GNPAT: variants seen among roughly 807,000 people sequenced by gnomAD.
The protein encoded by GNPAT is dihydroxyacetone phosphate acyltransferase.
Under a neutral mutation model 78.4 loss-of-function variants are expected in GNPAT, and 30 were observed. The ratio of observed to expected loss-of-function variants is 0.38; its 90% CI spans 0.29 to 0.52. The LOEUF is 0.52. Ranked by LOEUF, GNPAT falls within the 20% of genes least tolerant of loss-of-function variation. GNPAT has a pLI of 0.84. For missense variants in GNPAT, 714 were observed against 812.2 expected (o/e 0.88, Z 1.47); for synonymous variants, 271 against 281.1 (o/e 0.96, Z 0.36).
chr1:231,261,131 T>C (rs1327687831), intron 3 of GNPAT, among the ~76,000 whole-genome samples: 3 of 152,172 alleles, frequency 2.0e-5, no homozygotes, highest in Admixed American at 1.3e-4. Flanking sequence ...GAAATTAACA[T>C]TGAACAAATA....
rs375170975 is a variant in GNPAT, at chr1:231,265,781, A to G, written c.766A>G (p.Lys256Glu). Residue 256 changes from lysine (K) to glutamate (E), a missense_variant, in exon 6 of 16, where the codon AAA becomes GAA. Physicochemically the swap from Lys to Glu is moderately conservative, Grantham distance 56. Coordinates refer to ENST00000366647, the MANE Select transcript of GNPAT (RefSeq NM_014236.4). ...CCGCTCTGCCAAGACATTGACTCCT[A>G]AATTTGGTAGGTCACTACAGATTAA... ...RSRSAKTLTP[K>E]FGLLNIVMEP... 6.3e-7 allele frequency: 1 copy of G among 1,584,554 alleles called. No individual in the cohort carries two copies. Among genetic ancestry groups the G allele is most frequent in the African/African-American group, 1.3e-5 (1 of 74,364 alleles).
At position 231,276,208 on chromosome 1, in the gene GNPAT, T is replaced by G. The variant is rs1394397990; in HGVS notation, c.1999+12T>G. ...AGAAGAAATGCTTGGTAAGTGCAGT[T>G]TAATAAAATACAAGTTTTCACATTT... On this transcript the variant is annotated intron_variant, in intron 15 of 15. Coordinates refer to ENST00000366647, the MANE Select transcript of GNPAT (RefSeq NM_014236.4). 1.5e-6 allele frequency: 2 copies of G among 1,341,826 alleles called. No homozygotes were observed. Among genetic ancestry groups the G allele is most frequent in the Non-Finnish European group, 2.1e-6 (2 of 934,108 alleles). 83.1% of individuals were successfully genotyped at this position (1,341,826 alleles called of 1,614,324 possible).
chr1:231,266,326 A>G lies in GNPAT; in HGVS notation c.974A>G (p.His325Arg). 1.2e-6 allele frequency: 2 copies of G among 1,614,028 alleles called. No individual in the cohort carries two copies. Among genetic ancestry groups the G allele is most frequent in the East Asian group, 2.2e-5 (1 of 44,868 alleles). ...KILSENFGSI[H>R]VYFGDPVSLR... ...CTCTCTGAAAATTTTGGAAGCATCC[A>G]TGTGTACTTTGGAGATCCTGTGTCA... Residue 325 changes from histidine to arginine, a missense_variant, in exon 8 of 16, where the codon CAT becomes CGT. His to Arg is a conservative substitution (Grantham distance 29). Coordinates refer to ENST00000366647, the MANE Select transcript of GNPAT (RefSeq NM_014236.4).
chr1:231,260,979 C>T (rs1176753191), intron 3 of GNPAT, among the ~76,000 whole-genome samples: 3 of 152,164 alleles, frequency 2.0e-5, no homozygotes, highest in Non-Finnish European at 2.9e-5. Flanking sequence ...TATTCAGTAA[C>T]GTTACAAAAG....
Position 231,275,201 on chromosome 1 carries a change from A to T in GNPAT, c.1744-20A>T. ...TCCTTTTTCTCTTTCTGTTCCCCTC[A>T]TCCTTCCTCTTAAAATCAGATAATT... On this transcript the variant is annotated intron_variant, in intron 12 of 15. Transcript: ENST00000366647. 1.4e-6 allele frequency: 2 copies of T among 1,416,106 alleles called. No homozygotes were observed. Among genetic ancestry groups the T allele is most frequent in the South Asian group, 2.3e-5 (2 of 87,070 alleles). The allele number at this position is 1,416,106 out of a possible 1,614,324, so 87.7% of individuals were successfully genotyped here. A position where few individuals can be genotyped will look rare whatever the true frequency, so the allele number is the denominator to read the frequency against.
At chr1:231,248,533 G>C (rs1320730221) in intron 1 of GNPAT, among the ~76,000 whole-genome samples, 1 of 151,394 alleles carries the variant, frequency 6.6e-6, no homozygotes, top group African/African-American at 2.4e-5. Context: ...TTTCAGACCA[G>C]CTTGGGCAAC....
intron 2 of GNPAT, among the ~76,000 whole-genome samples, chr1:231,254,600 C>T (rs1226859262): frequency 2.0e-5 from 3 of 151,810 alleles, no homozygotes; most frequent in South Asian, 2.1e-4. Flanking sequence ...CGCCACCATG[C>T]CCAGCTAATT....
At chr1:231,270,611 G>C in intron 9 of GNPAT, 147 bp from the exon 10 acceptor site, 1 of 793,346 alleles carries the variant, frequency 1.3e-6, no homozygotes, top group Admixed American at 1.8e-5. Flanking sequence ...CTTCAGATTT[G>C]GTATCATTAC....
intron 9 of GNPAT, among the ~76,000 whole-genome samples, chr1:231,268,603 C>T (rs1685458485): frequency 8.7e-6 from 1 of 114,330 alleles, no homozygotes; most frequent in Non-Finnish European, 1.8e-5. Flanking sequence ...AGTGAGACCC[C>T]ATCTCCAAAA....
At chr1:231,256,969 T>G (rs1685085511) in intron 2 of GNPAT, among the ~76,000 whole-genome samples, 1 of 152,196 alleles carries the variant, frequency 6.6e-6, no homozygotes, top group Non-Finnish European at 1.5e-5. Context: ...GAGAAGAGAC[T>G]GAAGAGTCAG....
rs1685756524 is a variant in GNPAT, at chr1:231,277,709, A to C, written c.*167A>C. On this transcript the variant is annotated 3_prime_UTR_variant, in exon 16 of 16. Coordinates refer to ENST00000366647, the MANE Select transcript of GNPAT (RefSeq NM_014236.4). The stretch of plus-strand genomic sequence containing the variant: ...GATGATCATTGGAAGCAATCAGTTT[A>C]CTCTTCCCCACCACAGTGGTTAAAA... 1.6e-6 allele frequency: 1 copy of C among 626,628 alleles called. No homozygotes were observed. Among genetic ancestry groups the C allele is most frequent in the African/African-American group, 1.8e-5 (1 of 54,900 alleles). 38.8% of individuals were successfully genotyped at this position (626,628 alleles called of 1,614,324 possible). A position where few individuals can be genotyped will look rare whatever the true frequency, so the allele number is the denominator to read the frequency against.
chr1:231,260,819 A>G, intron 3 of GNPAT, 136 bp downstream of exon 3: 1 of 666,678 alleles, frequency 1.5e-6, no homozygotes, highest in Non-Finnish European at 2.6e-6. Flanking sequence ...TCAAAAGCCT[A>G]GGGCCTAATC....
chr1:231,268,882 G>A (rs1685468850), intron 9 of GNPAT, among the ~76,000 whole-genome samples: 1 of 149,958 alleles, frequency 6.7e-6, no homozygotes, highest in African/African-American at 2.5e-5. Flanking sequence ...CTCCAGCCTG[G>A]GTGATAGAGC....
In GNPAT at chr1:231,266,500, T is replaced by C. The variant is rs1685393625; in HGVS notation, c.1055+93T>C. The C allele has an allele frequency of 3.0e-6, 3 of 998,798 alleles. No homozygotes were observed. The South Asian group carries it at 3.9e-5, about 13-fold the overall frequency. 61.9% of individuals were successfully genotyped at this position (998,798 alleles called of 1,614,324 possible). ...CTGGAGTTGACCACTTCTCTTGATT[T>C]ACTTAAGATTACAGAGAAAATGATC... On this transcript the variant is annotated intron_variant, in intron 8 of 15. Transcript: ENST00000366647.
At chr1:231,269,227 CT>C (rs1183413435) in intron 9 of GNPAT, among the ~76,000 whole-genome samples, 1 of 151,962 alleles carries the variant, frequency 6.6e-6, no homozygotes, top group East Asian at 1.9e-4. Flanking sequence ...CTCAGGAAGA[CT>C]TCACAGAAGC....
rs1409717442 is a variant in GNPAT, at chr1:231,265,335, C to T, written c.611C>T (p.Ser204Leu). 20 of 1,611,136 alleles carry T rather than the reference C, an allele frequency of 1.2e-5. No homozygotes were observed. Among genetic ancestry groups the T allele is most frequent in the Non-Finnish European group, 1.7e-5 (20 of 1,177,390 alleles). ...MKMVGELLRM[S>L]GAFFMRRTFG... ...ATGGTTGGTGAGCTGCTACGAATGT[C>T]GGGTGCCTTTTTCATGCGGCGTACC... is the stretch of plus-strand genomic sequence containing the variant. Residue 204 changes from serine (S) to leucine (L), a missense_variant, in exon 5 of 16, where the codon TCG (serine) becomes TTG (leucine). Coordinates refer to ENST00000366647, the MANE Select transcript of GNPAT (RefSeq NM_014236.4).
intron 1 of GNPAT, 74 bp from the exon 2 acceptor site, chr1:231,250,887 T>C: frequency 1.0e-6 from 1 of 959,528 alleles, no homozygotes; most frequent in Non-Finnish European, 1.7e-6. Flanking sequence ...AGATGAAACC[T>C]TACCAATGTA....
At chr1:231,269,275 C>T (rs1198061384) in intron 9 of GNPAT, among the ~76,000 whole-genome samples, 2 of 152,150 alleles carry the variant, frequency 1.3e-5, no homozygotes, top group Non-Finnish European at 2.9e-5. Flanking sequence ...GGAGAGGATC[C>T]TCGCCAAGGC....
intron 9 of GNPAT, among the ~76,000 whole-genome samples, chr1:231,268,402 T>G (rs1256508399): frequency 6.6e-6 from 1 of 152,204 alleles, no homozygotes; most frequent in East Asian, 1.9e-4. Flanking sequence ...TGTTTACATG[T>G]CATTTCCCAC....
Sources: allele counts gnomAD v4.1 joint callset (sites outside exome capture counted in the v4.1 genomes callset), GRCh38; gene constraint gnomAD v4.1.1; transcripts MANE v1.5; gene names NCBI Gene and HGNC (gene_info 2026-07-23, HGNC 2026-07-21).